The following ZZZ3 variants were observed in gnomAD, a reference collection of about 807,000 sequenced individuals.
ZZZ3 encodes the protein ZZ-type zinc finger-containing protein 3.
In ZZZ3, 22 loss-of-function variants were observed where a neutral mutation model predicts 95.2. The ratio of observed to expected loss-of-function variants is 0.23; its 90% CI spans 0.17 to 0.33. ZZZ3 has a LOEUF of 0.33. ZZZ3 is among the 10% of genes least tolerant of loss of function. ZZZ3 has a pLI of 1.00. For missense variants in ZZZ3, 885 were observed against 1,066.5 expected (o/e 0.83, Z 2.37); for synonymous variants, 335 against 358.9 (o/e 0.93, Z 0.75).
chr1:77,616,171 G>A (rs1015165507), intron 5 of ZZZ3, among the ~76,000 whole-genome samples: 2 of 151,914 alleles, frequency 1.3e-5, no homozygotes, highest in African/African-American at 4.8e-5. Context: ...TTCTTTAAAC[G>A]CCAAATGTTC....
rs538933160 is a variant in ZZZ3, at chr1:77,678,249, T to C, written c.-403+4336A>G. Reference sequence around the variant, plus strand: ...TACTGATATCAAATATTAAATGTAATAGAGCCTTGTTTGGGAGTAATTCCT... The same window carrying C: ...TACTGATATCAAATATTAAATGTAACAGAGCCTTGTTTGGGAGTAATTCCT... On this transcript the variant is annotated intron_variant, in intron 1 of 14. Coordinates refer to ENST00000370801, the MANE Select transcript of ZZZ3 (RefSeq NM_015534.6). 3.3e-5 allele frequency among the ~76,000 whole-genome samples: 5 copies of C among 152,330 alleles called. No homozygotes were observed. The East Asian group carries it at 9.6e-4, about 29-fold the overall frequency.
intron 5 of ZZZ3, among the ~76,000 whole-genome samples, chr1:77,615,207 C>G (rs1043096393): frequency 6.6e-6 from 1 of 152,158 alleles, no homozygotes; most frequent in Non-Finnish European, 1.5e-5. Context: ...AAGGGTCATT[C>G]GAATTTCAAC....
At chr1:77,624,167 A>G (rs1158793920) in intron 5 of ZZZ3, among the ~76,000 whole-genome samples, 1 of 152,170 alleles carries the variant, frequency 6.6e-6, no homozygotes, top group Non-Finnish European at 1.5e-5. Context: ...GATGCTAGAA[A>G]AATCTTTGTT....
At chr1:77,629,623 C>T (rs745898988) in intron 5 of ZZZ3, among the ~76,000 whole-genome samples, 18 of 152,062 alleles carry the variant, frequency 1.2e-4, no homozygotes, top group Admixed American at 7.2e-4. Flanking sequence ...GAGACTCTGT[C>T]TCCAAAACAA....
chr1:77,649,452 C>T (rs1669601435), intron 1 of ZZZ3, among the ~76,000 whole-genome samples: 1 of 151,634 alleles, frequency 6.6e-6, no homozygotes, highest in Non-Finnish European at 1.5e-5. Context: ...AGTAAAAAAC[C>T]TATCATAGAC....
At chr1:77,616,490 T>A (rs1666325831) in intron 5 of ZZZ3, among the ~76,000 whole-genome samples, 2 of 152,200 alleles carry the variant, frequency 1.3e-5, no homozygotes, top group Admixed American at 1.3e-4. Flanking sequence ...AAGTAAAAAA[T>A]TATTGAGCAA....
chr1:77,632,902 C>G lies in ZZZ3; in HGVS notation c.453G>C (p.Val151=), dbSNP rs1371547844. 1.2e-6 allele frequency: 2 copies of G among 1,613,992 alleles called. No homozygotes were observed. Among genetic ancestry groups the G allele is most frequent in the South Asian group, 1.1e-5 (1 of 91,084 alleles). ...TCCCTTGAAAATCTGCATCATTGTC[C>G]ACTACTGTACTCCTCTGTTCTACTG... ...KESVEQRSTV[V]DNDADFQGTK... The change falls in exon 5 of 15, where the codon GTG becomes GTC. Residue 151 remains valine (V), a synonymous_variant. Transcript: ENST00000370801.
chr1:77,657,923 A>C (rs1217062800), intron 1 of ZZZ3, among the ~76,000 whole-genome samples: 2 of 147,876 alleles, frequency 1.4e-5, no homozygotes, highest in African/African-American at 5.0e-5. Flanking sequence ...TCATGCCTGT[A>C]ATCCCAGCAC....
Position 77,632,895 on chromosome 1 carries a change from C to T in ZZZ3, c.460G>A (p.Asp154Asn). 1.2e-6 allele frequency: 2 copies of T among 1,614,176 alleles called. No homozygotes were observed. The highest frequency in any genetic ancestry group is 1.7e-6 in the Non-Finnish European group (2 of 1,180,026). The stretch of plus-strand genomic sequence containing the variant: ...CGTTTAGTCCCTTGAAAATCTGCAT[C>T]ATTGTCCACTACTGTACTCCTCTGT... ...VEQRSTVVDNDADFQGTKRAC... is the reference protein window; with the variant it reads ...VEQRSTVVDNNADFQGTKRAC... The change falls in exon 5 of 15, where the codon GAT becomes AAT. Residue 154 changes from aspartate to asparagine, a missense_variant. Around this residue, in one of 5 missense-constraint regions of ZZZ3, gnomAD observed 556 missense variants for 652.9 expected, o/e 0.85. Coordinates refer to ENST00000370801, the MANE Select transcript of ZZZ3 (RefSeq NM_015534.6).
chr1:77,618,208 C>T (rs1666502561), intron 5 of ZZZ3, among the ~76,000 whole-genome samples: 1 of 143,286 alleles, frequency 7.0e-6, no homozygotes, highest in African/African-American at 2.6e-5. Context: ...TATACCCTTG[C>T]TCTAGAAGAG....
At chr1:77,658,779 T>C (rs546222051) in intron 1 of ZZZ3, among the ~76,000 whole-genome samples, 6 of 152,232 alleles carry the variant, frequency 3.9e-5, no homozygotes, top group Admixed American at 6.5e-5. Flanking sequence ...TTTAAAATGC[T>C]GTGATTAACA....
At chr1:77,663,039 A>G (rs1366968395) in intron 1 of ZZZ3, among the ~76,000 whole-genome samples, 2 of 152,050 alleles carry the variant, frequency 1.3e-5, no homozygotes, top group East Asian at 3.9e-4. Flanking sequence ...TGGCAGGTGG[A>G]AGTTGCAGTG....
intron 5 of ZZZ3, among the ~76,000 whole-genome samples, chr1:77,615,727 T>C (rs566133829): frequency 6.6e-6 from 1 of 152,228 alleles, no homozygotes; most frequent in Non-Finnish European, 1.5e-5. Flanking sequence ...TTCTGCAAAC[T>C]GTTCCAAAAG....
At chr1:77,647,137 C>G (rs574707058) in intron 1 of ZZZ3, among the ~76,000 whole-genome samples, 2 of 152,258 alleles carry the variant, frequency 1.3e-5, no homozygotes, top group African/African-American at 2.4e-5. Flanking sequence ...CCACCACAGC[C>G]AATTTCAAGC....
intron 12 of ZZZ3, among the ~76,000 whole-genome samples, chr1:77,573,300 T>C (rs62850360): frequency 1.4e-5 from 2 of 141,418 alleles, no homozygotes; most frequent in Non-Finnish European, 3.1e-5. Flanking sequence ...TTTTTTTTTT[T>C]AAGTAGAGAT....
intron 1 of ZZZ3, among the ~76,000 whole-genome samples, chr1:77,651,983 T>C (rs1453247858): frequency 1.4e-5 from 2 of 141,858 alleles, no homozygotes; most frequent in Non-Finnish European, 3.0e-5. Context: ...ACCACTGCAC[T>C]CCAGTCTGGG....
chr1:77,679,107 G>A (rs1295513317), intron 1 of ZZZ3, among the ~76,000 whole-genome samples: 1 of 152,074 alleles, frequency 6.6e-6, no homozygotes, highest in Non-Finnish European at 1.5e-5. Context: ...AAATAATCAA[G>A]ACTTTGGACT....
chr1:77,595,607 A>G (rs1664140342), intron 5 of ZZZ3, among the ~76,000 whole-genome samples: 1 of 152,072 alleles, frequency 6.6e-6, no homozygotes, highest in South Asian at 2.1e-4. Context: ...ATTGTGAAGC[A>G]TGCCCTTCAC....
intron 14 of ZZZ3, 91 bp from the exon 15 acceptor site, chr1:77,565,875 A>C: frequency 1.5e-6 from 2 of 1,322,316 alleles, no homozygotes; most frequent in South Asian, 3.0e-5. Context: ...CTCCCTGTTT[A>C]AATCCATTAA....
Sources: allele counts gnomAD v4.1 joint callset (sites outside exome capture counted in the v4.1 genomes callset), GRCh38; gene constraint gnomAD v4.1.1; regional missense constraint gnomAD v4.1.1; transcripts MANE v1.5; gene names NCBI Gene and HGNC (gene_info 2026-07-23, HGNC 2026-07-21).